The following DPYD variants were observed in gnomAD, a reference collection of about 807,000 sequenced individuals.
DPYD encodes dihydropyrimidine dehydrogenase [NADP(+)].
Under a neutral mutation model 116.2 loss-of-function variants are expected in DPYD, and 109 were observed. The observed-to-expected ratio is 0.94, with a 90% confidence interval of 0.80 to 1.10. The LOEUF is 1.10. Ranked by LOEUF, DPYD falls within the 50% of genes least tolerant of loss-of-function variation. The pLI, the probability that DPYD is intolerant of heterozygous loss-of-function variation, is 0.00. For synonymous variants in DPYD, 440 were observed against 432.0 expected (o/e 1.02, Z -0.23); for missense variants, 1,302 against 1,254.5 (o/e 1.04, Z -0.57).
At chr1:97,109,876 A>G (rs1335722045) in intron 20 of DPYD, among the ~76,000 whole-genome samples, 5 of 152,242 alleles carry the variant, frequency 3.3e-5, no homozygotes, top group African/African-American at 1.2e-4. Context: ...TCTTTCTAAT[A>G]TAATTAATTA....
intron 14 of DPYD, among the ~76,000 whole-genome samples, chr1:97,402,098 C>T (rs74342159): frequency 6.6e-6 from 1 of 152,048 alleles, no homozygotes; most frequent in Admixed American, 6.6e-5. Context: ...ATTGTGTTAG[C>T]TATTCTGGGT....
At position 97,306,291 on chromosome 1, in the gene DPYD, C is replaced by T; in HGVS notation, c.2065G>A (p.Glu689Lys). The change falls in exon 17 of 23, where the codon GAG becomes AAG. Residue 689 changes from glutamate (E) to lysine (K), a missense_variant. Transcript: ENST00000370192. ...GMGLACGQDP[E>K]LVRNICRWVR... Reference sequence around the variant, plus strand: ...CAGCGGCAGATGTTCCGCACCAGCTCTGGATCCTGTTCAAATAGGTCGGTT... The same window carrying T: ...CAGCGGCAGATGTTCCGCACCAGCTTTGGATCCTGTTCAAATAGGTCGGTT... 6.2e-7 allele frequency: 1 copy of T among 1,612,208 alleles called. No homozygotes were observed. The highest frequency in any genetic ancestry group is 8.5e-7 in the Non-Finnish European group (1 of 1,178,732).
chr1:97,553,102 C>T (rs1163977608), intron 11 of DPYD, among the ~76,000 whole-genome samples: 1 of 151,934 alleles, frequency 6.6e-6, no homozygotes, highest in Non-Finnish European at 1.5e-5. Context: ...ATGACTATCA[C>T]AACTGGAATA....
chr1:97,658,479 A>G (rs2100860770), intron 8 of DPYD, among the ~76,000 whole-genome samples: 1 of 152,338 alleles, frequency 6.6e-6, no homozygotes, highest in South Asian at 2.1e-4. Flanking sequence ...AATTTAAAAC[A>G]TCGTGTAATT....
chr1:97,844,435 G>T (rs1224358266), intron 2 of DPYD, among the ~76,000 whole-genome samples: 1 of 152,116 alleles, frequency 6.6e-6, no homozygotes, highest in Non-Finnish European at 1.5e-5. Flanking sequence ...CTAGGAGAAG[G>T]GAGAGGGGCT....
At chr1:97,687,453 G>C (rs775518620) in intron 7 of DPYD, among the ~76,000 whole-genome samples, 1 of 152,164 alleles carries the variant, frequency 6.6e-6, no homozygotes, top group African/African-American at 2.4e-5. Flanking sequence ...AGTCAGAATG[G>C]TGATTATTAA....
chr1:97,711,782 G>A (rs1002354705), intron 5 of DPYD, among the ~76,000 whole-genome samples: 3 of 151,668 alleles, frequency 2.0e-5, no homozygotes, highest in South Asian at 2.1e-4. Flanking sequence ...TCCAAAACAC[G>A]TCCTTGTCAA....
chr1:97,473,542 T>C (rs1677776299), intron 13 of DPYD, among the ~76,000 whole-genome samples: 1 of 152,132 alleles, frequency 6.6e-6, no homozygotes, highest in Non-Finnish European at 1.5e-5. Flanking sequence ...AGGTGCTCAA[T>C]AGTTCCAATC....
chr1:97,098,753 C>G (rs771055121), intron 20 of DPYD, 121 bp from the exon 21 acceptor site: 5 of 1,163,956 alleles, frequency 4.3e-6, no homozygotes, highest in Non-Finnish European at 6.2e-6. Context: ...TTCATGTATA[C>G]TGTAACTAGG....
intron 16 of DPYD, among the ~76,000 whole-genome samples, chr1:97,307,843 C>G (rs1464736221): frequency 6.6e-6 from 1 of 151,850 alleles, no homozygotes; most frequent in Non-Finnish European, 1.5e-5. Context: ...ATCTTTGTGA[C>G]TTTCATTTCT....
chr1:97,234,986 T>C lies in DPYD; in HGVS notation c.2308A>G (p.Ile770Val), dbSNP rs767200577. The C allele has an allele frequency of 1.5e-5, 25 of 1,613,996 alleles. No individual in the cohort carries two copies. The highest frequency in any genetic ancestry group is 3.3e-5 in the South Asian group (3 of 91,080). The change falls in exon 19 of 23, where the codon ATC becomes GTC. Residue 770 changes from isoleucine to valine, a missense_variant. Physicochemically the swap from Ile to Val is conservative, Grantham distance 29. Coordinates refer to ENST00000370192, the MANE Select transcript of DPYD (RefSeq NM_000110.4). ...ACAGCTCTCAAAGCAATAGGTCTGA[T>C]TGCTGTCCCTACACAAAATCAGAAT... The part of the protein sequence containing the change: ...TTYGGVSGTA[I>V]RPIALRAVTS...
intron 1 of DPYD, among the ~76,000 whole-genome samples, chr1:97,908,820 G>T (rs546042193): frequency 2.0e-5 from 3 of 152,004 alleles, no homozygotes; most frequent in Non-Finnish European, 4.4e-5. Flanking sequence ...CTCCTATGCT[G>T]ACGTCCCTCA....
intron 5 of DPYD, among the ~76,000 whole-genome samples, chr1:97,706,329 T>C (rs1375488498): frequency 2.0e-5 from 3 of 152,036 alleles, no homozygotes; most frequent in Non-Finnish European, 4.4e-5. Flanking sequence ...CTAAGGTAGT[T>C]GGTGCATTAA....
intron 14 of DPYD, among the ~76,000 whole-genome samples, chr1:97,387,040 CA>C (rs1231706648): frequency 6.6e-6 from 1 of 151,912 alleles, no homozygotes; most frequent in African/African-American, 2.4e-5. Context: ...AATAAATACC[CA>C]ATGAAATATA....
intron 19 of DPYD, among the ~76,000 whole-genome samples, chr1:97,217,730 C>G (rs567779250): frequency 7.8e-4 from 118 of 151,888 alleles, no homozygotes; most frequent in Middle Eastern, 6.9e-3. Flanking sequence ...GAGACAGATA[C>G]AATTACAGTT....
At chr1:97,178,269 G>A (rs1170523275) in intron 20 of DPYD, among the ~76,000 whole-genome samples, 1 of 152,102 alleles carries the variant, frequency 6.6e-6, no homozygotes, top group African/African-American at 2.4e-5. Context: ...GTGCAGAAAA[G>A]GAAGTGAAGA....
chr1:97,120,579 A>T (rs964748936), intron 20 of DPYD, among the ~76,000 whole-genome samples: 2 of 152,154 alleles, frequency 1.3e-5, no homozygotes, highest in Non-Finnish European at 2.9e-5. Context: ...CATTCTGTTA[A>T]TTTATCTAAA....
intron 20 of DPYD, among the ~76,000 whole-genome samples, chr1:97,111,631 T>A (rs1651607262): frequency 6.6e-6 from 1 of 152,030 alleles, no homozygotes; most frequent in African/African-American, 2.4e-5. Flanking sequence ...ACTCTTCACA[T>A]CTCCTTTTTA....
intron 5 of DPYD, among the ~76,000 whole-genome samples, chr1:97,717,616 G>A (rs976579801): frequency 1.3e-5 from 2 of 151,908 alleles, no homozygotes; most frequent in African/African-American, 4.8e-5. Flanking sequence ...TTCCCCCTAA[G>A]TCCACAAAGT....
Sources: gnomAD v4.1 joint callset for allele counts (sites outside exome capture counted in the v4.1 genomes callset) on GRCh38, gnomAD v4.1.1 for gene constraint, MANE v1.5 for transcripts, NCBI Gene and HGNC (gene_info 2026-07-23, HGNC 2026-07-21) for gene names.